Variants in FAM240B observed in about 807,000 individuals in gnomAD.
The protein encoded by FAM240B is family with sequence similarity 240 member B.
intron 2 of FAM240B, 125 bp downstream of exon 2, chr9:38,703,732 T>G (rs1821155542): frequency 5.0e-6 from 2 of 396,586 alleles, no homozygotes; most frequent in Non-Finnish European, 8.9e-6. Flanking sequence ...TATGCTTTCA[T>G]GTACAGCATA....
intron 1 of FAM240B, among the ~76,000 whole-genome samples, chr9:38,710,547 C>T (rs1050121052): frequency 6.6e-6 from 1 of 152,148 alleles, no homozygotes; most frequent in Non-Finnish European, 1.5e-5. Flanking sequence ...TTTTTATAAA[C>T]TCATGGGTAG....
At chr9:38,695,480 G>A (rs887549646) in intron 2 of FAM240B, among the ~76,000 whole-genome samples, 1 of 152,174 alleles carries the variant, frequency 6.6e-6, no homozygotes, top group Non-Finnish European at 1.5e-5. Flanking sequence ...AGCTGAGATC[G>A]TGCCACTGCA....
chr9:38,706,591 T>C (rs1255285042), intron 1 of FAM240B, among the ~76,000 whole-genome samples: 2 of 152,128 alleles, frequency 1.3e-5, no homozygotes, highest in African/African-American at 4.8e-5. Context: ...ATCTCAGACA[T>C]TGAGGGTCTG....
At chr9:38,699,360 T>A (rs932275115) in intron 2 of FAM240B, among the ~76,000 whole-genome samples, 1 of 152,152 alleles carries the variant, frequency 6.6e-6, no homozygotes, top group Non-Finnish European at 1.5e-5. Context: ...TCAGTTTGGG[T>A]CCTCCAAGAA....
At chr9:38,698,441 T>C (rs1162944759) in intron 2 of FAM240B, among the ~76,000 whole-genome samples, 1 of 152,240 alleles carries the variant, frequency 6.6e-6, no homozygotes, top group Non-Finnish European at 1.5e-5. Flanking sequence ...ATCAGGTGAC[T>C]ATATGGGATT....
chr9:38,712,246 C>T (rs1442081057), intron 1 of FAM240B, among the ~76,000 whole-genome samples: 1 of 152,176 alleles, frequency 6.6e-6, no homozygotes, highest in Non-Finnish European at 1.5e-5. Context: ...ACTGCAGTGA[C>T]ACCAAGTCAT....
intron 1 of FAM240B, among the ~76,000 whole-genome samples, chr9:38,718,250 C>G (rs1821331320): frequency 6.6e-6 from 1 of 152,152 alleles, no homozygotes; most frequent in Admixed American, 6.5e-5. Flanking sequence ...ATGTTTTGTT[C>G]ACATCTGTAA....
intron 1 of FAM240B, chr9:38,705,432 C>CA (rs35711333): frequency 0.11 from 16,090 of 152,022 alleles, 914 homozygotes; most frequent in African/African-American, 0.13. Flanking sequence ...TACAAAAATA[C>CA]AAAAAAATTA....
chr9:38,717,706 T>C (rs1391362668), intron 1 of FAM240B, among the ~76,000 whole-genome samples: 2 of 151,804 alleles, frequency 1.3e-5, no homozygotes, highest in South Asian at 4.2e-4. Flanking sequence ...ATGGTCTCAA[T>C]ATCCTGACCT....
chr9:38,705,985 A>G (rs1366107554), intron 1 of FAM240B, among the ~76,000 whole-genome samples: 2 of 152,216 alleles, frequency 1.3e-5, no homozygotes, highest in African/African-American at 4.8e-5. Context: ...ATGCAGGGAC[A>G]GAAGAGGGAG....
chr9:38,713,626 C>T (rs1431404694), intron 1 of FAM240B, among the ~76,000 whole-genome samples: 1 of 151,882 alleles, frequency 6.6e-6, no homozygotes, highest in African/African-American at 2.4e-5. Context: ...TTATGGAGTT[C>T]CCAAAGTTGA....
rs952616036 is a variant in FAM240B at position 38,703,980 on chromosome 9, C to G, written c.20G>C (p.Arg7Pro). ...AGTTCCACAGCAGAAGACTTCTCGA[C>G]GGATGTATTGATTGTTCATCCCCTG... The part of the protein sequence containing the change: MNNQYI[R>P]REVFCCGTCH... The change falls in exon 2 of 3, where the codon CGT becomes CCT. Residue 7 changes from arginine (R) to proline (P), a missense_variant. Arg to Pro is a moderately radical substitution (Grantham distance 103, BLOSUM62 -2). Transcript: ENST00000637493. 5.0e-6 allele frequency: 2 copies of G among 400,070 alleles called. No individual in the cohort carries two copies. The allele number at this position is 400,070 out of a possible 1,614,324, so 24.8% of individuals were successfully genotyped here. A position where few individuals can be genotyped will look rare whatever the true frequency, so the allele number is the denominator to read the frequency against.
At chr9:38,709,961 G>A (rs1011418679) in intron 1 of FAM240B, among the ~76,000 whole-genome samples, 1 of 152,158 alleles carries the variant, frequency 6.6e-6, no homozygotes, top group Non-Finnish European at 1.5e-5. Flanking sequence ...GAGCGTGTAT[G>A]TGCTCTTGAT....
intron 1 of FAM240B, among the ~76,000 whole-genome samples, chr9:38,715,961 TC>T (rs1249120654): frequency 6.6e-6 from 1 of 152,184 alleles, no homozygotes; most frequent in African/African-American, 2.4e-5. Context: ...ACCAGGCTGT[TC>T]AATTTGATGT....
At chr9:38,695,536 C>T (rs1470923734) in intron 2 of FAM240B, among the ~76,000 whole-genome samples, 2 of 152,138 alleles carry the variant, frequency 1.3e-5, no homozygotes, top group African/African-American at 2.4e-5. Flanking sequence ...AAAACAACAA[C>T]AACAAACCAA....
chr9:38,696,746 G>A (rs762832692), intron 2 of FAM240B, among the ~76,000 whole-genome samples: 3 of 152,082 alleles, frequency 2.0e-5, no homozygotes, highest in Non-Finnish European at 2.9e-5. Context: ...CTTGGGAGGC[G>A]GAGGTTGCAG....
intron 1 of FAM240B, chr9:38,705,543 C>T (rs1184480267): frequency 2.0e-4 from 27 of 135,372 alleles, no homozygotes; most frequent in African/African-American, 7.7e-4. Flanking sequence ...GAGCGGAGAT[C>T]GCGCCACTGC....
At chr9:38,716,204 GCTCAAGCCAGTAAT>G (rs912180719) in intron 1 of FAM240B, among the ~76,000 whole-genome samples, 29 of 152,186 alleles carry the variant, frequency 1.9e-4, no homozygotes, top group African/African-American at 6.8e-4. Context: ...CGGTGCGGTG[GCTCAAGCCAGTAAT>G]CTCAGCACTT....
chr9:38,713,481 C>CAAA (rs77404875), intron 1 of FAM240B, among the ~76,000 whole-genome samples: 10,884 of 83,614 alleles, frequency 0.13, 1,347 homozygotes, highest in East Asian at 0.2. Context: ...CCGTTTCAAA[C>CAAA]AAAAAAAAAA....
Sources: gnomAD v4.1 joint callset for allele counts (sites outside exome capture counted in the v4.1 genomes callset) on GRCh38, gnomAD v4.1.1 for gene constraint, MANE v1.5 for transcripts, NCBI Gene and HGNC (gene_info 2026-07-23, HGNC 2026-07-21) for gene names.